OSTF1: variants seen among roughly 807,000 people sequenced by gnomAD.
The protein encoded by OSTF1 is osteoclast stimulating factor 1, also known as osteoclast-stimulating factor 1.
OSTF1 carries 27 observed loss-of-function variants against 37.2 expected under a neutral mutation model. The ratio of observed to expected loss-of-function variants is 0.73; its 90% CI spans 0.54 to 1.00. The LOEUF is 1.00. Among genes scored for constraint, OSTF1 ranks in the 50% least tolerant of loss-of-function variants. The pLI, the probability that OSTF1 is intolerant of heterozygous loss-of-function variation, is 0.00. For missense variants in OSTF1, 232 were observed against 253.8 expected (o/e 0.91, Z 0.58); for synonymous variants, 82 against 89.2 (o/e 0.92, Z 0.46).
intron 1 of OSTF1, among the ~76,000 whole-genome samples, chr9:75,110,412 A>G (rs887204802): frequency 6.6e-6 from 1 of 152,070 alleles, no homozygotes; most frequent in Non-Finnish European, 1.5e-5. Flanking sequence ...ATGTCTTTTC[A>G]TGGCTTGATA....
chr9:75,131,907 C>T (rs1339261636), intron 5 of OSTF1, 84 bp downstream of exon 5: 23 of 920,184 alleles, frequency 2.5e-5, no homozygotes, highest in East Asian at 1.3e-4. Context: ...CATACACCCA[C>T]GTAACCAACA....
rs10595014 is a variant in OSTF1 at position 75,128,477 on chromosome 9, CATATAT to C, written c.132+871_132+876del. Among the ~76,000 whole-genome samples the C allele has an allele frequency of 8.8e-4, 3 of 3,428 alleles. 1 individual carries two copies. The highest frequency in any genetic ancestry group is 3.8e-3 in the African/African-American group (3 of 784). The allele number at this position is 3,428 out of a possible 152,430, so 2.2% of individuals were successfully genotyped here. A position where few individuals can be genotyped will look rare whatever the true frequency, so the allele number is the denominator to read the frequency against. On this transcript the variant is annotated intron_variant, in intron 3 of 9. Coordinates refer to ENST00000346234, the MANE Select transcript of OSTF1 (RefSeq NM_012383.5). ...TGTCCATATATATATATATTTTGTC[CATATAT>C]ATATATATATATTTTGTCCATATAT... is the stretch of plus-strand genomic sequence containing the variant.
chr9:75,128,675 C>G (rs1320389930), intron 3 of OSTF1, among the ~76,000 whole-genome samples: 1 of 142,052 alleles, frequency 7.0e-6, no homozygotes, highest in Non-Finnish European at 1.5e-5. Context: ...AAATCATGCC[C>G]TTGTTAGGGA....
rs375679120 is a variant in OSTF1 at position 75,091,116 on chromosome 9, C to T, written c.34+2390C>T. 1.4e-4 allele frequency among the ~76,000 whole-genome samples: 19 copies of T among 133,052 alleles called. No individual in the cohort carries two copies. The East Asian group carries it at 3.2e-3, about 22-fold the overall frequency. 87.3% of individuals were successfully genotyped at this position (133,052 alleles called of 152,430 possible). Reference sequence around the variant, plus strand: ...TTTTTTTTTTTTTGAGACAGACTCTCGCTCTGTTGCCCAGGCTGGAGTGCA... The same window carrying T: ...TTTTTTTTTTTTTGAGACAGACTCTTGCTCTGTTGCCCAGGCTGGAGTGCA... On this transcript the variant is annotated intron_variant, in intron 1 of 9. Coordinates refer to ENST00000346234, the MANE Select transcript of OSTF1 (RefSeq NM_012383.5).
intron 9 of OSTF1, among the ~76,000 whole-genome samples, chr9:75,146,285 G>A (rs576660426): frequency 2.0e-5 from 3 of 152,118 alleles, no homozygotes; most frequent in Non-Finnish European, 4.4e-5. Flanking sequence ...TTTCCCCTTC[G>A]GTAGTTAACG....
chr9:75,098,677 T>G (rs892156715), intron 1 of OSTF1, among the ~76,000 whole-genome samples: 4 of 152,232 alleles, frequency 2.6e-5, no homozygotes, highest in African/African-American at 9.6e-5. Context: ...AAATTCTCTG[T>G]GCAAAATATC....
chr9:75,098,475 C>A (rs1255440465), intron 1 of OSTF1, among the ~76,000 whole-genome samples: 1 of 151,870 alleles, frequency 6.6e-6, no homozygotes, highest in Non-Finnish European at 1.5e-5. Context: ...CTGGGGTCTC[C>A]CTGCAGGAAT....
chr9:75,139,057 T>TTCTTTTCTTTTCTTTTCTTTTCTTTTC (rs1554774440), intron 8 of OSTF1, among the ~76,000 whole-genome samples: 1 of 138,516 alleles, frequency 7.2e-6, no homozygotes, highest in African/African-American at 3.1e-5. Context: ...TTTCTTTCTT[T>TTCTTTTCTTTTCTTTTCTTTTCTTTTC]TTTTTTTGAA....
At position 75,147,123 on chromosome 9, in the gene OSTF1, T is replaced by C. The variant is rs1463704583; in HGVS notation, c.*382T>C. 1 of 154,388 alleles carries C rather than the reference T, an allele frequency of 6.5e-6. No homozygotes were observed. The highest frequency in any genetic ancestry group is 2.4e-5 in the African/African-American group (1 of 41,346). The allele number at this position is 154,388 out of a possible 1,614,324, so 9.6% of individuals were successfully genotyped here. On this transcript the variant is annotated 3_prime_UTR_variant, in exon 10 of 10. Transcript: ENST00000346234. ...ATTTTTCAAGGGGGGGAAATGCTTATTATAATAATAAACCAAAATACTTAA... is the reference window on the plus strand; with the variant it reads ...ATTTTTCAAGGGGGGGAAATGCTTACTATAATAATAAACCAAAATACTTAA...
At chr9:75,115,580 TC>T (rs1286087203) in intron 1 of OSTF1, among the ~76,000 whole-genome samples, 10 of 151,976 alleles carry the variant, frequency 6.6e-5, no homozygotes, top group African/African-American at 2.2e-4. Flanking sequence ...AAATAGATAG[TC>T]CCTCTATTTT....
chr9:75,130,441 C>T (rs919785838), intron 3 of OSTF1, 137 bp from the exon 4 acceptor site: 10 of 629,794 alleles, frequency 1.6e-5, no homozygotes, highest in African/African-American at 3.6e-5. Flanking sequence ...ACAGCTAGGG[C>T]GTGAGGAAGC....
intron 9 of OSTF1, among the ~76,000 whole-genome samples, chr9:75,145,391 A>G (rs1349311490): frequency 6.6e-6 from 1 of 152,174 alleles, no homozygotes; most frequent in East Asian, 1.9e-4. Context: ...AATAAATCAT[A>G]TAGAATATTG....
At chr9:75,114,062 G>C (rs1409673442) in intron 1 of OSTF1, among the ~76,000 whole-genome samples, 1 of 152,068 alleles carries the variant, frequency 6.6e-6, no homozygotes, top group Non-Finnish European at 1.5e-5. Context: ...TCCATGCCTG[G>C]CTAATTCACA....
Position 75,146,884 on chromosome 9 carries a change from A to G in OSTF1, c.*143A>G, listed in dbSNP as rs986671017. 9 of 559,282 alleles carry G rather than the reference A, an allele frequency of 1.6e-5. No homozygotes were observed. The African/African-American group carries it at 1.8e-4, about 11-fold the overall frequency. 34.6% of individuals were successfully genotyped at this position (559,282 alleles called of 1,614,324 possible). On this transcript the variant is annotated 3_prime_UTR_variant, in exon 10 of 10. Coordinates refer to ENST00000346234, the MANE Select transcript of OSTF1 (RefSeq NM_012383.5). ...TGCACTGTGTTTGAGTAGAACGTGT[A>G]AATGAATTGTTCCCACCTTTGGTTT... is the stretch of plus-strand genomic sequence containing the variant.
rs193116737 is a variant in OSTF1 at position 75,129,856 on chromosome 9, A to T, written c.133-722A>T. On this transcript the variant is annotated intron_variant, in intron 3 of 9. Coordinates refer to ENST00000346234, the MANE Select transcript of OSTF1 (RefSeq NM_012383.5). The stretch of plus-strand genomic sequence containing the variant: ...AATTATGGGGCAGTTGGGAAATTTG[A>T]GTATCGACCTAGATATTTGATGATA... Among the ~76,000 whole-genome samples the T allele has an allele frequency of 5.3e-5, 8 of 152,344 alleles. No homozygotes were observed. The East Asian group carries it at 1.5e-3, about 29-fold the overall frequency.
Position 75,140,874 on chromosome 9 carries a change from C to T in OSTF1, c.528C>T (p.Ala176=). 6.2e-7 allele frequency: 1 copy of T among 1,613,808 alleles called. No individual in the cohort carries two copies. The highest frequency in any genetic ancestry group is 8.5e-7 in the Non-Finnish European group (1 of 1,179,782). Residue 176 remains alanine (A), a synonymous_variant, in exon 9 of 10, where the codon GCC becomes GCT. Transcript: ENST00000346234. The stretch of plus-strand genomic sequence containing the variant: ...TAAGAAACATTGAGAAGAAGCTGGC[C>T]TTCGACATGGCTACCAATGCTGCCT... ...TDLRNIEKKL[A]FDMATNAACA...
intron 2 of OSTF1, among the ~76,000 whole-genome samples, chr9:75,124,999 A>G (rs1825639088): frequency 6.6e-6 from 1 of 152,246 alleles, no homozygotes; most frequent in African/African-American, 2.4e-5. Flanking sequence ...AGGACGGCTC[A>G]TAGATGGGAC....
chr9:75,099,293 T>C (rs77026070), intron 1 of OSTF1, among the ~76,000 whole-genome samples: 2,420 of 151,960 alleles, frequency 0.016, 62 homozygotes, highest in African/African-American at 0.055. Context: ...AGAAAAGGTC[T>C]TGTTCTGTCG....
chr9:75,109,361 C>A (rs1477931922), intron 1 of OSTF1, among the ~76,000 whole-genome samples: 3 of 152,182 alleles, frequency 2.0e-5, no homozygotes, highest in Admixed American at 6.5e-5. Context: ...GTTAAAGCCA[C>A]ATTTGGCTTT....
Sources: allele counts gnomAD v4.1 joint callset (sites outside exome capture counted in the v4.1 genomes callset), GRCh38; gene constraint gnomAD v4.1.1; transcripts MANE v1.5; gene names NCBI Gene and HGNC (gene_info 2026-07-23, HGNC 2026-07-21).